ZNF668: variants seen among roughly 807,000 people sequenced by gnomAD.
ZNF668 encodes the protein zinc finger protein 668.
A neutral mutation model predicts 40.3 loss-of-function variants in ZNF668; 10 were observed. The observed-to-expected ratio is 0.25, with a 90% confidence interval of 0.15 to 0.42. The LOEUF is 0.42. Among genes scored for constraint, ZNF668 ranks in the 10% least tolerant of loss-of-function variants. The pLI is 1.00. For synonymous variants in ZNF668, 428 were observed against 384.6 expected (o/e 1.11, Z -1.32); for missense variants, 749 against 904.6 (o/e 0.83, Z 2.21).
intron 1 of ZNF668, among the ~76,000 whole-genome samples, chr16:31,067,399 T>C (rs1173232014): frequency 6.6e-6 from 1 of 152,044 alleles, no homozygotes; most frequent in Non-Finnish European, 1.5e-5. Context: ...TCCAGAGAAA[T>C]GGTTCAGTAT....
At chr16:31,068,143 T>C (rs1336812964) in intron 1 of ZNF668, among the ~76,000 whole-genome samples, 1 of 140,650 alleles carries the variant, frequency 7.1e-6, no homozygotes, top group Non-Finnish European at 1.5e-5. Context: ...GGTAGGGGAG[T>C]GCCAGGTTGG....
chr16:31,064,340 G>A lies in ZNF668; in HGVS notation c.120C>T (p.His40=), dbSNP rs1384353330. Residue 40 remains histidine (H), a synonymous_variant, in exon 2 of 3, where the codon CAC becomes CAT. Transcript: ENST00000300849. The part of the protein sequence containing the change: ...TFPNAPRAAR[H]AATHGPADCS... ...AGTCTGCCGGCCCATGTGTGGCAGC[G>A]TGGCGCGCTGCCCTGGGCGCGTTTG... The A allele has an allele frequency of 3.1e-6, 5 of 1,613,960 alleles. No homozygotes were observed. Among genetic ancestry groups the A allele is most frequent in the East Asian group, 4.5e-5 (2 of 44,880 alleles).
chr16:31,061,080 C>T lies in ZNF668; in HGVS notation c.1848G>A (p.Glu616=). 6.7e-7 allele frequency: 1 copy of T among 1,499,140 alleles called. No individual in the cohort carries two copies. The highest frequency in any genetic ancestry group is 8.9e-7 in the Non-Finnish European group (1 of 1,126,868). The allele number at this position is 1,499,140 out of a possible 1,614,324, so 92.9% of individuals were successfully genotyped here. A position where few individuals can be genotyped will look rare whatever the true frequency, so the allele number is the denominator to read the frequency against. The change falls in exon 3 of 3, where the codon GAG becomes GAA. Residue 616 remains glutamate, a synonymous_variant. Coordinates refer to ENST00000300849, the MANE Select transcript of ZNF668 (RefSeq NM_024706.5). The surrounding 1 kb of genome is among the most constrained non-coding windows in gnomAD (Gnocchi z 7.7). Reference sequence around the variant, plus strand: ...GGGGTCATGGGCTTCAGGCCGGCCCCTCTTCAGGCATTCCTAGCAAAGCCA... The same window carrying T: ...GGGGTCATGGGCTTCAGGCCGGCCCTTCTTCAGGCATTCCTAGCAAAGCCA... ...PLVALLGMPE[E]GPA
At position 31,073,987 on chromosome 16, in the gene ZNF668, G is replaced by A. The variant is rs1205624598; in HGVS notation, c.-351C>T. On this transcript the variant is annotated 5_prime_UTR_variant, in exon 1 of 3. Coordinates refer to ENST00000300849, the MANE Select transcript of ZNF668 (RefSeq NM_024706.5). ...CCGGCAATGTCTTCAAGAACCAGAAGGTGGGAGGACAAAAAGGCCATGCTC... is the reference window on the plus strand; with the variant it reads ...CCGGCAATGTCTTCAAGAACCAGAAAGTGGGAGGACAAAAAGGCCATGCTC... The A allele has an allele frequency of 1.3e-5, 2 of 152,250 alleles. No individual in the cohort carries two copies. Among genetic ancestry groups the A allele is most frequent in the East Asian group, 1.9e-4 (1 of 5,196 alleles). 9.4% of individuals were successfully genotyped at this position (152,250 alleles called of 1,614,324 possible).
Position 31,064,317 on chromosome 16 carries a change from T to A in ZNF668, c.143A>T (p.Asp48Val). 6.2e-7 allele frequency: 1 copy of A among 1,613,956 alleles called. No individual in the cohort carries two copies. The highest frequency in any genetic ancestry group is 8.5e-7 in the Non-Finnish European group (1 of 1,180,024). ...ARHAATHGPA[D>V]CSEEVAEVKP... ...CACCTCGGCCACCTCTTCAGAGCAG[T>A]CTGCCGGCCCATGTGTGGCAGCGTG... Residue 48 changes from aspartate (D) to valine (V), a missense_variant, in exon 2 of 3, where the codon GAC becomes GTC. Transcript: ENST00000300849.
In ZNF668 at chr16:31,061,800, A is replaced by T. The variant is rs2056928585; in HGVS notation, c.1128T>A (p.Arg376=). ...CCCGGCTATGCTTCGTGAGGCTGGC[A>T]CGCTCGGCGAAGGCTCGCCCGCACT... ...CEECGRAFAE[R]ASLTKHSRVH... The change falls in exon 3 of 3, where the codon CGT becomes CGA. Residue 376 remains arginine, a synonymous_variant. Coordinates refer to ENST00000300849, the MANE Select transcript of ZNF668 (RefSeq NM_024706.5). This position sits in a 1 kb window ranked among gnomAD's most constrained non-coding sequence, Gnocchi z 7.7. 7.4e-6 allele frequency: 12 copies of T among 1,611,686 alleles called. No homozygotes were observed. The highest frequency in any genetic ancestry group is 1.0e-5 in the Non-Finnish European group (12 of 1,179,598).
rs746069386 is a variant in ZNF668, at chr16:31,063,842, C to T, written c.618G>A (p.Ala206=). 3.3e-5 allele frequency: 53 copies of T among 1,588,186 alleles called. No homozygotes were observed. Among genetic ancestry groups the T allele is most frequent in the Middle Eastern group, 3.4e-4 (2 of 5,854 alleles). Residue 206 remains alanine (A), a synonymous_variant, in exon 2 of 3, where the codon GCG becomes GCA. Transcript: ENST00000300849. ...CATGGTTGCGGAGGTCCTTGAGCTCCGCATAGGCTTTGCCGCAACGCTCAC... is the reference window on the plus strand; with the variant it reads ...CATGGTTGCGGAGGTCCTTGAGCTCTGCATAGGCTTTGCCGCAACGCTCAC... ...YSCERCGKAY[A]ELKDLRNHER...
rs2056917836 is a variant in ZNF668 at position 31,061,122 on chromosome 16, T to C, written c.1806A>G (p.Thr602=). The C allele has an allele frequency of 1.3e-6, 2 of 1,505,852 alleles. No homozygotes were observed. Among genetic ancestry groups the C allele is most frequent in the South Asian group, 1.4e-5 (1 of 73,224 alleles). 93.3% of individuals were successfully genotyped at this position (1,505,852 alleles called of 1,614,324 possible). A position where few individuals can be genotyped will look rare whatever the true frequency, so the allele number is the denominator to read the frequency against. The change falls in exon 3 of 3, where the codon ACA becomes ACG. Residue 602 remains threonine, a synonymous_variant. Transcript: ENST00000300849. This position sits in a 1 kb window ranked among gnomAD's most constrained non-coding sequence, Gnocchi z 7.7. ...GCAAAGCCACCAGGGGCTCCAGGGGTGTGGGGGTCCCCATGGGCACAGGGT... is the reference window on the plus strand; with the variant it reads ...GCAAAGCCACCAGGGGCTCCAGGGGCGTGGGGGTCCCCATGGGCACAGGGT... ...RTHPVPMGTP[T]PLEPLVALLG...
At chr16:31,062,530 C>T in intron 2 of ZNF668, 1 of 479,492 alleles carries the variant, frequency 2.1e-6, no homozygotes, top group East Asian at 3.7e-5. Flanking sequence ...CCTGTAATTC[C>T]AGCACTTTGG....
chr16:31,064,881 C>T, intron 1 of ZNF668: 1 of 1,419,020 alleles, frequency 7.0e-7, no homozygotes, highest in East Asian at 2.6e-5. Flanking sequence ...CTGAAGGTCT[C>T]CAAGCGCCCA....
intron 1 of ZNF668, among the ~76,000 whole-genome samples, chr16:31,071,517 G>T (rs937876786): frequency 1.3e-5 from 2 of 152,098 alleles, no homozygotes; most frequent in Non-Finnish European, 2.9e-5. Context: ...GGAGTGCAGT[G>T]GCTCAATCAT....
chr16:31,066,637 T>C (rs898719033), intron 1 of ZNF668, among the ~76,000 whole-genome samples: 1 of 152,072 alleles, frequency 6.6e-6, no homozygotes, highest in Non-Finnish European at 1.5e-5. Context: ...GGAGGACTGC[T>C]TGAGCCCAGG....
chr16:31,069,306 C>CACACACACACACA (rs2056999397), intron 1 of ZNF668: 2 of 145,792 alleles, frequency 1.4e-5, no homozygotes, highest in African/African-American at 5.0e-5. Flanking sequence ...CACACACACA[C>CACACACACACACA]CTGCCTACCT....
chr16:31,064,330 G>T lies in ZNF668; in HGVS notation c.130C>A (p.His44Asn). 1.2e-6 allele frequency: 2 copies of T among 1,613,966 alleles called. No homozygotes were observed. The highest frequency in any genetic ancestry group is 1.7e-6 in the Non-Finnish European group (2 of 1,180,044). The stretch of plus-strand genomic sequence containing the variant: ...TCTTCAGAGCAGTCTGCCGGCCCAT[G>T]TGTGGCAGCGTGGCGCGCTGCCCTG... ...APRAARHAATHGPADCSEEVA... is the reference protein window; with the variant it reads ...APRAARHAATNGPADCSEEVA... The change falls in exon 2 of 3, where the codon CAT becomes AAT. Residue 44 changes from histidine (H) to asparagine (N), a missense_variant. Around this residue, in one of 4 missense-constraint regions of ZNF668, gnomAD observed 159 missense variants for 139.8 expected, o/e 1.14. Transcript: ENST00000300849.
chr16:31,062,545 CCGAGGTCAGGAGAT>C (rs1349532735), intron 2 of ZNF668: 1 of 430,326 alleles, frequency 2.3e-6, no homozygotes, highest in East Asian at 4.2e-5. Flanking sequence ...CTTTGGGAGG[CCGAGGTCAGGAGAT>C]CGAGACCATC....
chr16:31,071,773 C>A (rs1236351483), intron 1 of ZNF668, among the ~76,000 whole-genome samples: 1 of 152,142 alleles, frequency 6.6e-6, no homozygotes, highest in Non-Finnish European at 1.5e-5. Context: ...CTCTAATTTC[C>A]TTTATGGTGT....
chr16:31,067,063 C>A (rs753304261), intron 1 of ZNF668, among the ~76,000 whole-genome samples: 1 of 151,924 alleles, frequency 6.6e-6, no homozygotes, highest in Admixed American at 6.6e-5. Context: ...ACAAAAAATA[C>A]AAAAATTAGC....
chr16:31,067,559 C>A (rs538762502), intron 1 of ZNF668, among the ~76,000 whole-genome samples: 3 of 152,116 alleles, frequency 2.0e-5, no homozygotes, highest in African/African-American at 7.2e-5. Context: ...ACAGTACTTA[C>A]CTGACAGAGT....
chr16:31,070,127 C>G (rs2057005532), intron 1 of ZNF668, among the ~76,000 whole-genome samples: 1 of 151,542 alleles, frequency 6.6e-6, no homozygotes, highest in Non-Finnish European at 1.5e-5. Context: ...ACCATGTTGG[C>G]CAGGATGGTC....
Sources: allele counts gnomAD v4.1 joint callset (sites outside exome capture counted in the v4.1 genomes callset), GRCh38; gene constraint gnomAD v4.1.1; regional missense constraint gnomAD v4.1.1; non-coding constraint Gnocchi (gnomAD v3.1); transcripts MANE v1.5; gene names NCBI Gene and HGNC (gene_info 2026-07-23, HGNC 2026-07-21).